Variants in WWOX observed in about 807,000 individuals in gnomAD.
WWOX encodes WW domain-containing oxidoreductase.
Under a neutral mutation model 46.2 loss-of-function variants are expected in WWOX, and 69 were observed. The ratio of observed to expected loss-of-function variants is 1.49; its 90% CI spans 1.23 to 1.82. The LOEUF (loss-of-function observed/expected upper bound fraction) is 1.82. Among genes scored for constraint, WWOX ranks in the 40% most tolerant of loss-of-function variants. The probability of loss-of-function intolerance (pLI) is 0.00; values close to 1 mark genes in which losing one functional copy is unlikely to be tolerated. For synonymous variants in WWOX, 359 were observed against 202.6 expected (o/e 1.77, Z -6.56); for missense variants, 919 against 542.6 (o/e 1.69, Z -6.89).
intron 5 of WWOX, among the ~76,000 whole-genome samples, chr16:78,374,920 A>G (rs2081784416): frequency 6.6e-6 from 1 of 151,800 alleles, no homozygotes; most frequent in Admixed American, 6.6e-5. Flanking sequence ...TGTTGACCTT[A>G]GGTGATCTGC....
intron 8 of WWOX, among the ~76,000 whole-genome samples, chr16:79,110,035 C>G (rs1362629596): frequency 1.3e-5 from 2 of 152,170 alleles, no homozygotes; most frequent in African/African-American, 4.8e-5. Context: ...TTATTGCTAG[C>G]CTGGTAGATA....
chr16:78,551,481 G>C (rs1416117715), intron 8 of WWOX: 1 of 152,206 alleles, frequency 6.6e-6, no homozygotes, highest in Non-Finnish European at 1.5e-5. Flanking sequence ...TCAAGTGTTG[G>C]AATGTTGCAG....
chr16:78,314,405 CAAAAAAA>C (rs56032982), intron 5 of WWOX, among the ~76,000 whole-genome samples: 2 of 101,510 alleles, frequency 2.0e-5, no homozygotes, highest in African/African-American at 7.2e-5. Context: ...GACTCTGTCT[CAAAAAAA>C]AAAAAAAAAA....
At chr16:78,507,997 C>CGTGTGTGTGT (rs959701013) in intron 8 of WWOX, among the ~76,000 whole-genome samples, 1 of 30,958 alleles carries the variant, frequency 3.2e-5, no homozygotes, top group African/African-American at 4.2e-5. Flanking sequence ...TGGTTGCGTG[C>CGTGTGTGTGT]GTGTGTGTGT....
At chr16:78,690,229 G>A (rs568231058) in intron 8 of WWOX, among the ~76,000 whole-genome samples, 2 of 152,100 alleles carry the variant, frequency 1.3e-5, no homozygotes, top group Admixed American at 1.3e-4. Flanking sequence ...GTGTAGGGCC[G>A]GATATAGTGC....
intron 8 of WWOX, among the ~76,000 whole-genome samples, chr16:79,112,006 T>G (rs2150657988): frequency 6.6e-6 from 1 of 152,180 alleles, no homozygotes; most frequent in Middle Eastern, 3.4e-3. Context: ...TCCATTCTTT[T>G]TGGTGAATAT....
chr16:78,762,388 T>C (rs2049816051), intron 8 of WWOX, among the ~76,000 whole-genome samples: 1 of 152,300 alleles, frequency 6.6e-6, no homozygotes, highest in Middle Eastern at 3.4e-3. Context: ...CCAGAGTCTC[T>C]TGGTGACTCG....
intron 8 of WWOX, among the ~76,000 whole-genome samples, chr16:78,760,196 A>G (rs923419769): frequency 3.3e-5 from 5 of 152,186 alleles, no homozygotes; most frequent in South Asian, 2.1e-4. Context: ...AGTGACAGCC[A>G]GGTGAAGGAG....
In WWOX at chr16:78,424,927, C is replaced by G. The variant is rs763198963; in HGVS notation, c.663C>G (p.Thr221=). The G allele has an allele frequency of 5.0e-6, 8 of 1,613,992 alleles. No individual in the cohort carries two copies. Among genetic ancestry groups the G allele is most frequent in the South Asian group, 1.1e-5 (1 of 91,072 alleles). The change falls in exon 7 of 9, where the codon ACC becomes ACG. Residue 221 remains threonine, a synonymous_variant. Coordinates refer to ENST00000566780, the MANE Select transcript of WWOX (RefSeq NM_016373.4). ...AATFALPWSL[T]KDGLETTFQV... is the part of the protein sequence containing the mutation. ...CTTTTGCTCTACCCTGGAGTCTCACCAAAGATGGCCTGGAGACCACCTTTC... is the reference window on the plus strand; with the variant it reads ...CTTTTGCTCTACCCTGGAGTCTCACGAAAGATGGCCTGGAGACCACCTTTC...
rs530883793 is a variant in WWOX at position 78,432,640 on chromosome 16, G to T, written c.944G>T (p.Gly315Val). ...NELHRRLSPRGVTSNAVHPGN... is the reference protein window; with the variant it reads ...NELHRRLSPRVVTSNAVHPGN... ...CTGCACCGTCGCCTCTCCCCACGCG[G>T]GGTCACGTCGAACGCAGTGCATCCT... The change falls in exon 8 of 9, where the codon GGG (glycine) becomes GTG (valine). Residue 315 changes from glycine to valine, a missense_variant. Coordinates refer to ENST00000566780, the MANE Select transcript of WWOX (RefSeq NM_016373.4). The T allele has an allele frequency of 6.2e-7, 1 of 1,614,052 alleles. No individual in the cohort carries two copies. Among genetic ancestry groups the T allele is most frequent in the African/African-American group, 1.3e-5 (1 of 74,906 alleles).
intron 8 of WWOX, among the ~76,000 whole-genome samples, chr16:78,976,329 G>T (rs2046571991): frequency 6.6e-6 from 1 of 152,204 alleles, no homozygotes; most frequent in South Asian, 2.1e-4. Flanking sequence ...GAGAACCGAT[G>T]AAGCTGCTTT....
chr16:79,121,862 G>T (rs565953690), intron 8 of WWOX, among the ~76,000 whole-genome samples: 1 of 152,066 alleles, frequency 6.6e-6, no homozygotes, highest in African/African-American at 2.4e-5. Flanking sequence ...TTCGTTCTCA[G>T]CATCAGAAAA....
At chr16:78,833,332 C>A (rs969625297) in intron 8 of WWOX, among the ~76,000 whole-genome samples, 1 of 152,106 alleles carries the variant, frequency 6.6e-6, no homozygotes, top group Non-Finnish European at 1.5e-5. Flanking sequence ...CAAGCTCTTT[C>A]TTTATACCAG....
intron 6 of WWOX, among the ~76,000 whole-genome samples, chr16:78,406,525 T>G (rs1455094425): frequency 6.7e-6 from 1 of 148,646 alleles, no homozygotes; most frequent in Admixed American, 6.7e-5. Flanking sequence ...GCTAATTTTT[T>G]GTATTTTAGT....
intron 8 of WWOX, among the ~76,000 whole-genome samples, chr16:78,672,347 TG>T (rs2047485686): frequency 2.0e-5 from 3 of 152,222 alleles, no homozygotes; most frequent in Admixed American, 6.5e-5. Flanking sequence ...TTGTTAACTT[TG>T]CACTCTATAG....
At chr16:79,086,953 A>G (rs369216811) in intron 8 of WWOX, among the ~76,000 whole-genome samples, 11 of 152,340 alleles carry the variant, frequency 7.2e-5, no homozygotes, top group African/African-American at 2.2e-4. Flanking sequence ...CAGACTCTGC[A>G]GAGCACTAGG....
chr16:78,477,772 T>A (rs1338935630), intron 8 of WWOX, among the ~76,000 whole-genome samples: 1 of 152,164 alleles, frequency 6.6e-6, no homozygotes, highest in East Asian at 1.9e-4. Flanking sequence ...TTTTTAATTG[T>A]AGAAGGAGAG....
chr16:78,137,207 T>G (rs2033825598), intron 4 of WWOX, among the ~76,000 whole-genome samples: 1 of 152,152 alleles, frequency 6.6e-6, no homozygotes, highest in Non-Finnish European at 1.5e-5. Context: ...TGATGAAAAT[T>G]ATGACGCCTT....
At chr16:78,659,252 A>C (rs2047155764) in intron 8 of WWOX, among the ~76,000 whole-genome samples, 1 of 152,158 alleles carries the variant, frequency 6.6e-6, no homozygotes, top group Non-Finnish European at 1.5e-5. Flanking sequence ...TAACTACGTG[A>C]CTCACAGAGA....
Sources: allele counts gnomAD v4.1 joint callset (sites outside exome capture counted in the v4.1 genomes callset), GRCh38; gene constraint gnomAD v4.1.1; transcripts MANE v1.5; gene names NCBI Gene and HGNC (gene_info 2026-07-23, HGNC 2026-07-21).